Variants in NCOA1 observed in about 807,000 individuals in gnomAD.
The protein encoded by NCOA1 is nuclear receptor coactivator 1.
In NCOA1, 35 loss-of-function variants were observed where a neutral mutation model predicts 150.9. That is an observed-to-expected ratio of 0.23 (90% CI 0.18 to 0.31). The LOEUF (loss-of-function observed/expected upper bound fraction) is 0.31. Ranked by LOEUF, NCOA1 falls within the 10% of genes least tolerant of loss-of-function variation. The pLI, the probability that NCOA1 is intolerant of heterozygous loss-of-function variation, is 1.00. For missense variants in NCOA1, 1,491 were observed against 1,749.3 expected, an observed-to-expected ratio of 0.85 and a Z score of 2.63; for synonymous variants, 590 against 630.0, an observed-to-expected ratio of 0.94 and a Z score of 0.95.
chr2:24,653,024 C>T (rs1670777495), intron 4 of NCOA1, among the ~76,000 whole-genome samples: 1 of 152,182 alleles, frequency 6.6e-6, no homozygotes, highest in Non-Finnish European at 1.5e-5. Context: ...GTGACTGTCT[C>T]ATAGCTCTTC....
chr2:24,679,703 A>T (rs1458953480), intron 7 of NCOA1, among the ~76,000 whole-genome samples: 1 of 152,324 alleles, frequency 6.6e-6, no homozygotes. Context: ...AAGGGGTTTT[A>T]TAAACCCAAT....
chr2:24,559,051 C>T (rs571278246), intron 1 of NCOA1, among the ~76,000 whole-genome samples: 1 of 152,202 alleles, frequency 6.6e-6, no homozygotes, highest in Non-Finnish European at 1.5e-5. Flanking sequence ...CAACTCGCAA[C>T]TTTGTTACAT....
At chr2:24,625,664 T>G (rs1669375632) in intron 3 of NCOA1, among the ~76,000 whole-genome samples, 1 of 152,080 alleles carries the variant, frequency 6.6e-6, no homozygotes, top group Non-Finnish European at 1.5e-5. Context: ...AAACACTGCC[T>G]TCTCTGTGCT....
At chr2:24,584,777 G>A (rs1667332413) in intron 3 of NCOA1, among the ~76,000 whole-genome samples, 1 of 151,822 alleles carries the variant, frequency 6.6e-6, no homozygotes, top group Non-Finnish European at 1.5e-5. Context: ...CACATGTTCA[G>A]TCAGAGTTTG....
At chr2:24,676,463 A>C (rs1671914448) in intron 7 of NCOA1, 1 of 152,384 alleles carries the variant, frequency 6.6e-6, no homozygotes, top group South Asian at 2.1e-4. Flanking sequence ...GCATCAAAGA[A>C]TATAAAAGCA....
chr2:24,493,366 A>G (rs1663061999), intron 1 of NCOA1, among the ~76,000 whole-genome samples: 1 of 152,238 alleles, frequency 6.6e-6, no homozygotes, highest in Non-Finnish European at 1.5e-5. Flanking sequence ...TAGAGAGAAA[A>G]TAGAGGACTG....
chr2:24,508,206 T>G (rs1458181041), intron 1 of NCOA1, among the ~76,000 whole-genome samples: 4 of 152,210 alleles, frequency 2.6e-5, no homozygotes, highest in African/African-American at 9.6e-5. Context: ...TTCATAGTTA[T>G]GACTTTTATT....
At chr2:24,715,502 AAAG>A (rs1009816205) in intron 14 of NCOA1, among the ~76,000 whole-genome samples, 1 of 152,198 alleles carries the variant, frequency 6.6e-6, no homozygotes, top group African/African-American at 2.4e-5. Context: ...AGAAAATCCT[AAAG>A]AAGTGAGAGG....
chr2:24,573,641 A>G (rs1666829041), intron 2 of NCOA1, among the ~76,000 whole-genome samples: 1 of 152,150 alleles, frequency 6.6e-6, no homozygotes, highest in African/African-American at 2.4e-5. Context: ...TCAATGCAAC[A>G]TTTTAAAAAA....
intron 1 of NCOA1, among the ~76,000 whole-genome samples, chr2:24,520,878 T>C (rs1441737821): frequency 6.6e-6 from 1 of 152,206 alleles, no homozygotes; most frequent in Non-Finnish European, 1.5e-5. Context: ...CTTGTTGTCT[T>C]TCTGACCTTC....
chr2:24,577,702 A>T (rs1025096331), intron 2 of NCOA1, among the ~76,000 whole-genome samples: 1 of 152,248 alleles, frequency 6.6e-6, no homozygotes, highest in African/African-American at 2.4e-5. Flanking sequence ...CTTGGGTGAT[A>T]GTACTTTGTA....
chr2:24,599,921 G>A lies in NCOA1; in HGVS notation c.-175+15361G>A, dbSNP rs142910909. The stretch of plus-strand genomic sequence containing the variant: ...AATTTTTGTATTTTTAGTAGAGATG[G>A]GGTTTCACCATGTTGGCCAGGTTGG... On this transcript the variant is annotated intron_variant, in intron 3 of 22. Transcript: ENST00000348332. Among the ~76,000 whole-genome samples the A allele has an allele frequency of 9.0e-3, 1,363 of 151,904 alleles. 28 individuals are homozygous for A. The highest frequency in any genetic ancestry group is 0.031 in the African/African-American group (1,296 of 41,398).
chr2:24,711,974 A>C (rs55940562), intron 14 of NCOA1, among the ~76,000 whole-genome samples: 18 of 152,322 alleles, frequency 1.2e-4, no homozygotes, highest in African/African-American at 4.3e-4. Flanking sequence ...TTTCAGTCCA[A>C]CTGGAACTTT....
intron 22 of NCOA1, among the ~76,000 whole-genome samples, chr2:24,765,392 G>T (rs908995234): frequency 2.6e-5 from 4 of 151,808 alleles, no homozygotes; most frequent in Non-Finnish European, 5.9e-5. Flanking sequence ...TCAGCTACTC[G>T]GGAGGCTGAG....
intron 3 of NCOA1, among the ~76,000 whole-genome samples, chr2:24,619,491 C>T (rs1329717115): frequency 6.6e-6 from 1 of 152,176 alleles, no homozygotes; most frequent in Non-Finnish European, 1.5e-5. Flanking sequence ...TGAAAGGCAG[C>T]TTACCAAACA....
intron 8 of NCOA1, among the ~76,000 whole-genome samples, chr2:24,684,390 G>A (rs1672312015): frequency 6.6e-6 from 1 of 152,172 alleles, no homozygotes; most frequent in Non-Finnish European, 1.5e-5. Context: ...CCTGAAGAAC[G>A]GGCTTATTGT....
intron 3 of NCOA1, among the ~76,000 whole-genome samples, chr2:24,586,262 CAAGACTCGGTCTCAAAAAAAAAAAA>C (rs1442591267): frequency 9.4e-6 from 1 of 106,018 alleles, no homozygotes; most frequent in Non-Finnish European, 1.7e-5. Flanking sequence ...GGCGACAGAG[CAAGACTCGGTCTCAAAAAAAAAAAA>C]AAAAAAAAAA....
At chr2:24,499,576 C>G (rs1231420525) in intron 1 of NCOA1, among the ~76,000 whole-genome samples, 4 of 151,808 alleles carry the variant, frequency 2.6e-5, no homozygotes, top group African/African-American at 9.7e-5. Flanking sequence ...TGTATTATCA[C>G]TTGGCATTTT....
intron 2 of NCOA1, among the ~76,000 whole-genome samples, chr2:24,569,282 G>A (rs749392045): frequency 6.6e-5 from 10 of 152,034 alleles, no homozygotes; most frequent in Non-Finnish European, 1.5e-4. Context: ...AGGAGGAAAG[G>A]GCTTACATGT....
Sources: allele counts gnomAD v4.1 joint callset (sites outside exome capture counted in the v4.1 genomes callset), GRCh38; gene constraint gnomAD v4.1.1; transcripts MANE v1.5; gene names NCBI Gene and HGNC (gene_info 2026-07-23, HGNC 2026-07-21).